Variants in STARD10 observed in about 807,000 individuals in gnomAD.
STARD10 encodes StAR related lipid transfer domain containing 10.
Under a neutral mutation model 36.0 loss-of-function variants are expected in STARD10, and 24 were observed. That is an observed-to-expected ratio of 0.67 (90% confidence interval 0.48 to 0.94). The LOEUF (loss-of-function observed/expected upper bound fraction) is 0.94. STARD10 is among the 40% of genes least tolerant of loss of function. The pLI, the probability that STARD10 is intolerant of heterozygous loss-of-function variation, is 0.00. For synonymous variants in STARD10, 156 were observed against 161.9 expected, an observed-to-expected ratio of 0.96 and a Z score of 0.28; for missense variants, 335 against 396.6, an observed-to-expected ratio of 0.84 and a Z score of 1.32.
intron 2 of STARD10, among the ~76,000 whole-genome samples, chr11:72,775,136 T>A (rs1858913869): frequency 6.6e-6 from 1 of 152,128 alleles, no homozygotes; most frequent in East Asian, 1.9e-4. Context: ...TGGCTGTACA[T>A]CCATGCCGTC....
intron 5 of STARD10, among the ~76,000 whole-genome samples, chr11:72,756,884 G>T (rs1349271309): frequency 6.6e-6 from 1 of 152,134 alleles, no homozygotes. Flanking sequence ...GGTGGCTCAC[G>T]CCTGTAATCC....
At chr11:72,789,436 A>G (rs1859114358) in intron 1 of STARD10, among the ~76,000 whole-genome samples, 1 of 152,032 alleles carries the variant, frequency 6.6e-6, no homozygotes, top group South Asian at 2.1e-4. Context: ...GAGGGAAGAG[A>G]GGTAGCTGAA....
rs747367502 is a variant in STARD10, at chr11:72,758,652, A to G, written c.356-19T>C. 6.3e-7 allele frequency: 1 copy of G among 1,579,258 alleles called. No individual in the cohort carries two copies. Among genetic ancestry groups the G allele is most frequent in the Non-Finnish European group, 8.7e-7 (1 of 1,150,676 alleles). ...CACCTCCCTGTGGGGGGCAAGGGAC[A>G]GTTCAGCCAGACCACTGGTCCACCT... On this transcript the variant is annotated intron_variant, in intron 3 of 6. Transcript: ENST00000334805.
chr11:72,763,085 G>A lies in STARD10; in HGVS notation c.208-3704C>T, dbSNP rs181984205. 2.3e-3 allele frequency among the ~76,000 whole-genome samples: 343 copies of A among 152,272 alleles called. 9 individuals are homozygous for A. The highest frequency in any genetic ancestry group is 0.021 in the Admixed American group (320 of 15,292). ...AGTGGCCAACTCTTCAAGGTTTACC[G>A]AGGACTTCCCCAGTTTTACCACTGC... On this transcript the variant is annotated intron_variant, in intron 2 of 6. Coordinates refer to ENST00000334805, the MANE Select transcript of STARD10 (RefSeq NM_006645.3).
chr11:72,792,913 C>G lies in STARD10; in HGVS notation c.-152G>C, dbSNP rs1859165492. 1 of 152,826 alleles carries G rather than the reference C, an allele frequency of 6.5e-6. No individual in the cohort carries two copies. Among genetic ancestry groups the G allele is most frequent in the Non-Finnish European group, 1.5e-5 (1 of 68,524 alleles). The allele number at this position is 152,826 out of a possible 1,614,324, so 9.5% of individuals were successfully genotyped here. A position where few individuals can be genotyped will look rare whatever the true frequency, so the allele number is the denominator to read the frequency against. ...TCTGTACAGCTCCAGCAACACTCTC[C>G]TCTTCCTCCAGAATTCTCCAGATCC... On this transcript the variant is annotated 5_prime_UTR_variant, in exon 1 of 7. Coordinates refer to ENST00000334805, the MANE Select transcript of STARD10 (RefSeq NM_006645.3).
intron 2 of STARD10, among the ~76,000 whole-genome samples, chr11:72,762,176 T>C (rs567235533): frequency 5.9e-5 from 9 of 152,116 alleles, no homozygotes; most frequent in African/African-American, 1.9e-4. Flanking sequence ...TCCTCCCGCC[T>C]CGGCCTCCCA....
intron 2 of STARD10, among the ~76,000 whole-genome samples, chr11:72,765,816 C>CAAAAAAGAAAAAAA (rs1858780544): frequency 5.9e-5 from 7 of 118,194 alleles, no homozygotes; most frequent in Non-Finnish European, 7.0e-5. Flanking sequence ...ACTAAAAATA[C>CAAAAAAGAAAAAAA]AAAAAAAAAA....
chr11:72,774,413 A>C (rs1469953693), intron 2 of STARD10, among the ~76,000 whole-genome samples: 1 of 152,138 alleles, frequency 6.6e-6, no homozygotes. Flanking sequence ...GCCCCGTGCC[A>C]CCTGCCCCAG....
intron 2 of STARD10, among the ~76,000 whole-genome samples, chr11:72,774,191 G>A (rs984091657): frequency 6.6e-6 from 1 of 152,162 alleles, no homozygotes; most frequent in South Asian, 2.1e-4. Context: ...CACCAAAGGG[G>A]AGAGCAGAGG....
At chr11:72,790,085 C>A (rs551015210) in intron 1 of STARD10, among the ~76,000 whole-genome samples, 1 of 152,238 alleles carries the variant, frequency 6.6e-6, no homozygotes, top group Non-Finnish European at 1.5e-5. Context: ...CGGCCCCACT[C>A]GCCCCAGACC....
At chr11:72,788,245 C>T (rs1383113432) in intron 1 of STARD10, among the ~76,000 whole-genome samples, 1 of 152,212 alleles carries the variant, frequency 6.6e-6, no homozygotes, top group African/African-American at 2.4e-5. Flanking sequence ...CACTAATGGT[C>T]CCTGCCTGAC....
chr11:72,787,230 T>G (rs1859084678), intron 1 of STARD10, among the ~76,000 whole-genome samples: 1 of 152,086 alleles, frequency 6.6e-6, no homozygotes, highest in Non-Finnish European at 1.5e-5. Flanking sequence ...AGCAGGGAAC[T>G]TTGTGGCATC....
Position 72,758,653 on chromosome 11 carries a change from G to A in STARD10, c.356-20C>T, listed in dbSNP as rs1858679457. The A allele has an allele frequency of 6.3e-7, 1 of 1,578,080 alleles. No homozygotes were observed. The highest frequency in any genetic ancestry group is 2.2e-5 in the East Asian group (1 of 44,632). ...ACCTCCCTGTGGGGGGCAAGGGACA[G>A]TTCAGCCAGACCACTGGTCCACCTG... On this transcript the variant is annotated intron_variant, in intron 3 of 6. Transcript: ENST00000334805.
At chr11:72,774,156 C>G (rs1858901134) in intron 2 of STARD10, among the ~76,000 whole-genome samples, 2 of 152,104 alleles carry the variant, frequency 1.3e-5, no homozygotes, top group Non-Finnish European at 2.9e-5. Flanking sequence ...GGTAACAAAA[C>G]CCAAGGATGA....
intron 1 of STARD10, among the ~76,000 whole-genome samples, chr11:72,789,092 C>T (rs1258347509): frequency 6.6e-6 from 1 of 152,242 alleles, no homozygotes; most frequent in Non-Finnish European, 1.5e-5. Flanking sequence ...AGCAATCCTC[C>T]TGCCTTGGCC....
intron 1 of STARD10, among the ~76,000 whole-genome samples, chr11:72,792,662 T>A (rs746403668): frequency 6.6e-6 from 1 of 152,070 alleles, no homozygotes; most frequent in South Asian, 2.1e-4. Context: ...CTCAGCTCAA[T>A]GCGCATCACT....
At chr11:72,784,674 C>G (rs539808438) in intron 1 of STARD10, among the ~76,000 whole-genome samples, 32 of 152,292 alleles carry the variant, frequency 2.1e-4, no homozygotes, top group Middle Eastern at 6.8e-3. Flanking sequence ...GTCCCCTGCC[C>G]CAGATATGGT....
At chr11:72,757,967 G>GCACACA (rs1858666445) in intron 4 of STARD10, 83 bp from the exon 5 acceptor site, 1 of 1,119,644 alleles carries the variant, frequency 8.9e-7, no homozygotes, top group Admixed American at 1.7e-5. Flanking sequence ...ACGCGCACGC[G>GCACACA]CACACACACA....
At chr11:72,788,949 G>T (rs1044569626) in intron 1 of STARD10, among the ~76,000 whole-genome samples, 6 of 152,036 alleles carry the variant, frequency 3.9e-5, no homozygotes, top group Non-Finnish European at 8.8e-5. Context: ...TTGAAATCTG[G>T]GACTCAAGTG....
Sources: gnomAD v4.1 joint callset for allele counts (sites outside exome capture counted in the v4.1 genomes callset) on GRCh38, gnomAD v4.1.1 for gene constraint, MANE v1.5 for transcripts, NCBI Gene and HGNC (gene_info 2026-07-23, HGNC 2026-07-21) for gene names.